The following LRRC71 variants were observed in gnomAD, a reference collection of about 807,000 sequenced individuals.
LRRC71 encodes the protein leucine rich repeat containing 71.
Under a neutral mutation model 66.6 loss-of-function variants are expected in LRRC71, and 54 were observed. The observed-to-expected ratio is 0.81, with a 90% confidence interval of 0.65 to 1.02. The LOEUF is 1.02. LRRC71 is among the 50% of genes least tolerant of loss of function. LRRC71 has a pLI of 0.00. For missense variants in LRRC71, 724 were observed against 718.0 expected (o/e 1.01, Z -0.10); for synonymous variants, 323 against 303.9 (o/e 1.06, Z -0.65).
downstream of LRRC71, chr1:156,936,105 C>A (rs768971643): frequency 6.4e-7 from 1 of 1,574,238 alleles, no homozygotes; most frequent in East Asian, 2.2e-5. Flanking sequence ...CTGAGGTGAC[C>A]GCTTCCACAT....
chr1:156,929,358 G>A lies in LRRC71; in HGVS notation c.1075G>A (p.Val359Met). The A allele has an allele frequency of 6.2e-7, 1 of 1,613,740 alleles. No individual in the cohort carries two copies. Among genetic ancestry groups the A allele is most frequent in the East Asian group, 2.2e-5 (1 of 44,858 alleles). ...GGTAGGGATCAGCAATAGTGCATTG[G>A]TGGACAAGACAGACAAGACGCAGAC... The part of the protein sequence containing the change: ...QMVGISNSAL[V>M]DKTDKTQTMK... Residue 359 changes from valine to methionine, a missense_variant, in exon 10 of 15, where the codon GTG becomes ATG. Physicochemically the swap from Val to Met is conservative, Grantham distance 21. Transcript: ENST00000337428.
In LRRC71 at chr1:156,927,495, G is replaced by A. The variant is rs1204502162; in HGVS notation, c.663-1G>A. 6.6e-7 allele frequency: 1 copy of A among 1,526,420 alleles called. No individual in the cohort carries two copies. The highest frequency in any genetic ancestry group is 8.8e-7 in the Non-Finnish European group (1 of 1,137,402). 94.6% of individuals were successfully genotyped at this position (1,526,420 alleles called of 1,614,324 possible). A position where few individuals can be genotyped will look rare whatever the true frequency, so the allele number is the denominator to read the frequency against. ...CCACATTCTCCCTCCGGCTGCCCCA[G>A]GATTGCGCACTTGTCTCTGCGGAAC... On this transcript the variant is annotated splice_acceptor_variant, in intron 6 of 14. Coordinates refer to ENST00000337428, the MANE Select transcript of LRRC71 (RefSeq NM_144702.3). LOFTEE classifies it high-confidence loss of function.
downstream of LRRC71, among the ~76,000 whole-genome samples, chr1:156,936,497 A>AAAAAAATAT (rs370282821): frequency 2.4e-4 from 8 of 33,938 alleles, no homozygotes; most frequent in South Asian, 3.3e-3. Context: ...AAAAAAAAAA[A>AAAAAAATAT]ATATATATAT....
At chr1:156,936,340 C>A, downstream of LRRC71, 1 of 570,934 alleles carries the variant, frequency 1.8e-6, no homozygotes. Flanking sequence ...ATTTAATCAG[C>A]ACGAGTCTTA....
intron 4 of LRRC71, 95 bp downstream of exon 4, chr1:156,924,813 G>A: frequency 6.6e-7 from 1 of 1,506,728 alleles, no homozygotes; most frequent in Non-Finnish European, 9.0e-7. Context: ...GGAGACCCTG[G>A]CGACGGTGGG....
rs1654404030 is a variant in LRRC71 at position 156,931,788 on chromosome 1, C to T, written c.1330-128C>T. 2.4e-5 allele frequency: 17 copies of T among 720,542 alleles called. 1 individual carries two copies. In the South Asian group the frequency reaches 2.9e-4, roughly 12 times the overall value. The allele number at this position is 720,542 out of a possible 1,614,324, so 44.6% of individuals were successfully genotyped here. On this transcript the variant is annotated intron_variant, in intron 12 of 14. Transcript: ENST00000337428. ...TATGGGCTTATTTATTTTTGTATCC[C>T]CAGCACTTGGGACAAAGCCTGGACT... is the stretch of plus-strand genomic sequence containing the variant.
Position 156,927,782 on chromosome 1 carries a change from G to A in LRRC71, c.872G>A (p.Arg291His). The A allele has an allele frequency of 1.2e-6, 2 of 1,612,570 alleles. No homozygotes were observed. The highest frequency in any genetic ancestry group is 1.7e-6 in the Non-Finnish European group (2 of 1,179,732). The part of the protein sequence containing the change: ...SLLWLSLAHN[R>H]IQDKGALKLA... ...CTCTGGCTGTCCCTGGCCCACAACC[G>A]CATCCAGGACAAGGGCGCCCTGAAG... Residue 291 changes from arginine to histidine, a missense_variant, in exon 8 of 15, where the codon CGC (arginine) becomes CAC (histidine). Coordinates refer to ENST00000337428, the MANE Select transcript of LRRC71 (RefSeq NM_144702.3).
At chr1:156,926,466 A>G (rs1216510557) in intron 5 of LRRC71, among the ~76,000 whole-genome samples, 1 of 152,088 alleles carries the variant, frequency 6.6e-6, no homozygotes, top group Non-Finnish European at 1.5e-5. Context: ...AGCACTCAAG[A>G]CGGAAGCCAC....
intron 13 of LRRC71, 59 bp from the exon 14 acceptor site, chr1:156,932,365 T>C (rs1428165901): frequency 1.5e-6 from 2 of 1,362,024 alleles, no homozygotes; most frequent in Non-Finnish European, 2.1e-6. Context: ...ATGTCTGGTG[T>C]GTCAGGTGCC....
the LRRC71 span, chr1:156,940,432 C>T: frequency 8.4e-5 from 134 of 1,593,754 alleles, 3 homozygotes; most frequent in South Asian, 1.1e-3. Context: ...GTGCCTGTTT[C>T]GGATGAGAGA....
intron 10 of LRRC71, 67 bp downstream of exon 10, chr1:156,929,496 G>A (rs11264584): frequency 0.17 from 264,082 of 1,599,784 alleles, 22,707 homozygotes; most frequent in East Asian, 0.34. Context: ...ATCATGTACA[G>A]AGGTGGTGGA....
chr1:156,925,064 G>T (rs749217096), intron 5 of LRRC71, 49 bp downstream of exon 5: 12 of 1,531,056 alleles, frequency 7.8e-6, no homozygotes, highest in Non-Finnish European at 1.1e-5. Flanking sequence ...GGCTGGGCGG[G>T]TGGTCAGAGG....
downstream of LRRC71, chr1:156,937,239 C>T (rs4570419): frequency 0.17 from 278,080 of 1,609,718 alleles, 25,277 homozygotes; most frequent in East Asian, 0.34. Context: ...CCAAGCCCTG[C>T]TTCCCTCACC....
chr1:156,940,448 G>A, the LRRC71 span: 1 of 1,582,140 alleles, frequency 6.3e-7, no homozygotes, highest in Non-Finnish European at 8.6e-7. Context: ...AGAGAAGATT[G>A]TAAGGCAGGG....
At chr1:156,930,303 G>A (rs1654172229) in intron 11 of LRRC71, among the ~76,000 whole-genome samples, 1 of 151,668 alleles carries the variant, frequency 6.6e-6, no homozygotes, top group Admixed American at 6.6e-5. Flanking sequence ...ATGTTGGCCA[G>A]GCTGGTTGCG....
intron 9 of LRRC71, 81 bp from the exon 10 acceptor site, chr1:156,929,199 A>G: frequency 2.0e-6 from 3 of 1,494,476 alleles, no homozygotes; most frequent in South Asian, 2.6e-5. Context: ...CTCCCCAAGT[A>G]TGGGTATAGC....
rs770107370 is a variant in LRRC71, at chr1:156,931,878, C to T, written c.1330-38C>T. The T allele has an allele frequency of 1.0e-5, 15 of 1,481,782 alleles. No homozygotes were observed. The South Asian group carries it at 1.7e-4, about 17-fold the overall frequency. The allele number at this position is 1,481,782 out of a possible 1,614,324, so 91.8% of individuals were successfully genotyped here. On this transcript the variant is annotated intron_variant, in intron 12 of 14. Transcript: ENST00000337428. ...GAATGAATGGCCTGTTGACCAGCTC[C>T]CCTGCTGTCTGCTGCAATTAGTATT...
chr1:156,933,492 T>A (rs1423140453), downstream of LRRC71, among the ~76,000 whole-genome samples: 9 of 152,238 alleles, frequency 5.9e-5, no homozygotes, highest in Non-Finnish European at 1.2e-4. Context: ...GGTGTTTGAC[T>A]GCTTTGGAGG....
rs945510 is a variant in LRRC71 at position 156,932,820 on chromosome 1, C to T, written c.1564-33C>T. The T allele has an allele frequency of 8.1e-4, 1,253 of 1,540,448 alleles. 6 individuals carry two copies. In the African/African-American group the frequency reaches 0.014, roughly 18 times the overall value. ...TGCCAGAGGACTAATCTTCATTCCT[C>T]TTGTCAGATGTCAGCCTTCCTTTTC... On this transcript the variant is annotated intron_variant, in intron 14 of 14. Coordinates refer to ENST00000337428, the MANE Select transcript of LRRC71 (RefSeq NM_144702.3).
Sources: gnomAD v4.1 joint callset for allele counts (sites outside exome capture counted in the v4.1 genomes callset) on GRCh38, gnomAD v4.1.1 for gene constraint, MANE v1.5 for transcripts, NCBI Gene and HGNC (gene_info 2026-07-23, HGNC 2026-07-21) for gene names.